Variants in MORN1 observed in about 807,000 individuals in gnomAD.
MORN1 encodes MORN repeat-containing protein 1.
In MORN1, 67 loss-of-function variants were observed where a neutral mutation model predicts 61.9. The ratio of observed to expected loss-of-function variants is 1.08; its 90% CI spans 0.89 to 1.33. The LOEUF is 1.33. Among genes scored for constraint, MORN1 ranks in the 40% most tolerant of loss-of-function variants. MORN1 has a pLI of 0.00. For synonymous variants in MORN1, 301 were observed against 292.0 expected, an observed-to-expected ratio of 1.03 and a Z score of -0.31; for missense variants, 752 against 691.2, an observed-to-expected ratio of 1.09 and a Z score of -0.99.
intron 12 of MORN1, among the ~76,000 whole-genome samples, chr1:2,324,851 C>T (rs115526621): frequency 0.018 from 2,743 of 152,086 alleles, 34 homozygotes; most frequent in Middle Eastern, 0.051. Context: ...GACAGCGCCT[C>T]GGGGCACCCA....
At position 2,336,812 on chromosome 1, in the gene MORN1, G is replaced by C. The variant is rs751333713; in HGVS notation, c.1075C>G (p.Arg359Gly). The change falls in exon 11 of 14, where the codon CGA (arginine) becomes GGA (glycine). Residue 359 changes from arginine (R) to glycine (G), a missense_variant. Physicochemically the swap from Arg to Gly is moderately radical, Grantham distance 125. Coordinates refer to ENST00000378531, the MANE Select transcript of MORN1 (RefSeq NM_024848.3). Reference sequence around the variant, plus strand: ...AACTCGGCACAGCCCTGCTCCACTCGCTGACAGGCCCCGGGACAATGGGGC... The same window carrying C: ...AACTCGGCACAGCCCTGCTCCACTCCCTGACAGGCCCCGGGACAATGGGGC... ...HAPHCPGACQRVEQGCAEFTD... is the reference protein window; with the variant it reads ...HAPHCPGACQGVEQGCAEFTD... 1.3e-6 allele frequency: 2 copies of C among 1,598,364 alleles called. No homozygotes were observed. The highest frequency in any genetic ancestry group is 1.7e-6 in the Non-Finnish European group (2 of 1,173,630).
At position 2,327,954 on chromosome 1, in the gene MORN1, G is replaced by C. The variant is rs2100231652; in HGVS notation, c.1251-3811C>G. On this transcript the variant is annotated intron_variant, in intron 12 of 13. Transcript: ENST00000378531. ...CAGGCCAGATGCTCCGAGAAGCCAA[G>C]AGGCCTCCCGAGGAGCCCGTCACAG... Among the ~76,000 whole-genome samples the C allele has an allele frequency of 1.3e-5, 2 of 152,376 alleles. 1 individual carries two copies. The highest frequency in any genetic ancestry group is 4.1e-4 in the South Asian group (2 of 4,828).
chr1:2,325,114 C>CTCCCTTCCCTTCT (rs1640979407), intron 12 of MORN1, among the ~76,000 whole-genome samples: 2 of 86,978 alleles, frequency 2.3e-5, no homozygotes, highest in Non-Finnish European at 2.1e-5. Context: ...CTTTCCTTCC[C>CTCCCTTCCCTTCT]TTCCTTCCCT....
In MORN1 at chr1:2,337,104, C is replaced by T. The variant is rs1339292087; in HGVS notation, c.1037-254G>A. ...GCCCCCGCCCCCTTCTGAGTCCACCCCAGCGCCAGGGAGCCCAGCGCTTTG... is the reference window on the plus strand; with the variant it reads ...GCCCCCGCCCCCTTCTGAGTCCACCTCAGCGCCAGGGAGCCCAGCGCTTTG... On this transcript the variant is annotated intron_variant, in intron 10 of 13. Coordinates refer to ENST00000378531, the MANE Select transcript of MORN1 (RefSeq NM_024848.3). This position sits in a 1 kb window ranked among gnomAD's most constrained non-coding sequence, Gnocchi z 5.7. Among the ~76,000 whole-genome samples, 1 of 152,170 alleles carries T rather than the reference C, an allele frequency of 6.6e-6. No homozygotes were observed. Among genetic ancestry groups the T allele is most frequent in the Non-Finnish European group, 1.5e-5 (1 of 68,012 alleles).
intron 10 of MORN1, among the ~76,000 whole-genome samples, chr1:2,340,876 TGTGGCCGCCACACAGA>T (rs1264719533): frequency 6.6e-6 from 1 of 152,076 alleles, no homozygotes; most frequent in African/African-American, 2.4e-5. Context: ...GGCCACGACC[TGTGGCCGCCACACAGA>T]CGGCCACATA....
intron 7 of MORN1, among the ~76,000 whole-genome samples, chr1:2,373,285 C>T (rs1378412024): frequency 1.3e-5 from 2 of 152,316 alleles, no homozygotes; most frequent in East Asian, 3.9e-4. Flanking sequence ...CACAGGGTGG[C>T]GGGTGCCCCG....
chr1:2,378,647 G>A (rs1642299626), intron 6 of MORN1: 10 of 298,604 alleles, frequency 3.3e-5, no homozygotes, highest in South Asian at 3.0e-4. Flanking sequence ...GGGATGCCCG[G>A]AGGGCCGCGC....
At chr1:2,345,845 AC>A (rs1641502826) in intron 10 of MORN1, among the ~76,000 whole-genome samples, 1 of 144,034 alleles carries the variant, frequency 6.9e-6, no homozygotes, top group African/African-American at 2.5e-5. Flanking sequence ...ACACACACAC[AC>A]ACACACACAG....
intron 3 of MORN1, 72 bp from the exon 4 acceptor site, chr1:2,387,601 G>T: frequency 1.8e-6 from 2 of 1,087,408 alleles, no homozygotes; most frequent in Non-Finnish European, 2.8e-6. Flanking sequence ...GCTCTCCTCT[G>T]TCCCTGGCCC....
chr1:2,390,776 TCTTGCTCTGTCG>T (rs1365272483), intron 1 of MORN1: 1 of 978,492 alleles, frequency 1.0e-6, no homozygotes, highest in Non-Finnish European at 1.2e-6. Flanking sequence ...TGAGACTGAG[TCTTGCTCTGTCG>T]CCCAGGCTGG....
intron 12 of MORN1, among the ~76,000 whole-genome samples, chr1:2,331,836 C>CGAAAT: frequency 7.0e-6 from 1 of 143,238 alleles, no homozygotes; most frequent in South Asian, 2.2e-4. Flanking sequence ...GCGCCTCTCC[C>CGAAAT]TCGTGCGGCT....
chr1:2,334,298 G>T lies in MORN1; in HGVS notation c.1250+2171C>A, dbSNP rs1641219620. ...TGGCTACAAGGAACTGGTGGTGGGG[G>T]TCAGGCTCCATGGAGGACGAGAGGC... On this transcript the variant is annotated intron_variant, in intron 12 of 13. Coordinates refer to ENST00000378531, the MANE Select transcript of MORN1 (RefSeq NM_024848.3). This position sits in a 1 kb window ranked among gnomAD's most constrained non-coding sequence, Gnocchi z 5.4. 6.6e-6 allele frequency among the ~76,000 whole-genome samples: 1 copy of T among 152,108 alleles called. No individual in the cohort carries two copies. Among genetic ancestry groups the T allele is most frequent in the Admixed American group, 6.5e-5 (1 of 15,282 alleles).
chr1:2,322,180 C>G (rs1640896462), intron 13 of MORN1: 9 of 985,286 alleles, frequency 9.1e-6, no homozygotes, highest in Non-Finnish European at 1.1e-5. Context: ...AGTCTGTAAA[C>G]TGTCTGGAGA....
intron 8 of MORN1, among the ~76,000 whole-genome samples, chr1:2,366,241 A>G (rs1314068635): frequency 2.1e-5 from 3 of 145,990 alleles, no homozygotes; most frequent in Non-Finnish European, 4.5e-5. Flanking sequence ...AAAACCAAAC[A>G]CCGCATATTC....
At chr1:2,351,739 T>C in intron 10 of MORN1, 1 of 542,832 alleles carries the variant, frequency 1.8e-6, no homozygotes, top group South Asian at 1.5e-5. Context: ...TCACAGGGGA[T>C]CATATTCATA....
chr1:2,335,265 A>G (rs906206915), intron 12 of MORN1, among the ~76,000 whole-genome samples: 1 of 152,122 alleles, frequency 6.6e-6, no homozygotes, highest in African/African-American at 2.4e-5. Flanking sequence ...TCTTCCCTGG[A>G]GCTCCACCGG....
At chr1:2,340,746 TGCCACACAGGCCACGGCGAGGGCC>T (rs1447292282) in intron 10 of MORN1, among the ~76,000 whole-genome samples, 2 of 152,040 alleles carry the variant, frequency 1.3e-5, no homozygotes, top group Non-Finnish European at 1.5e-5. Flanking sequence ...GACACCAGAC[TGCCACACAGGCCACGGCGAGGGCC>T]GCCACACAGG....
At position 2,334,233 on chromosome 1, in the gene MORN1, G is replaced by C. The variant is rs936229685; in HGVS notation, c.1250+2236C>G. 2.6e-5 allele frequency among the ~76,000 whole-genome samples: 4 copies of C among 152,098 alleles called. No homozygotes were observed. The highest frequency in any genetic ancestry group is 9.7e-5 in the African/African-American group (4 of 41,402). ...CAGCCACAGTTGAGGGCCTCTGGGT[G>C]GTGGGGGGGCAGCAGGTGTAAGAAC... On this transcript the variant is annotated intron_variant, in intron 12 of 13. Transcript: ENST00000378531. This position sits in a 1 kb window ranked among gnomAD's most constrained non-coding sequence, Gnocchi z 5.4.
Position 2,357,430 on chromosome 1 carries a change from ACCAAGCAGG to A in MORN1, c.1029_1036+1del. 1 of 1,593,520 alleles carries A rather than the reference ACCAAGCAGG, an allele frequency of 6.3e-7. No individual in the cohort carries two copies. The highest frequency in any genetic ancestry group is 1.1e-5 in the South Asian group (1 of 89,302). The stretch of plus-strand genomic sequence containing the variant: ...CCCAACTGGTTTGTGAGCTCCACTT[ACCAAGCAGG>A]CCACCAGGGGTGTCCTCCTGGCCAT... On this transcript the variant is annotated splice_donor_variant and coding_sequence_variant, in exon 10 of 14. Transcript: ENST00000378531. LOFTEE classifies it high-confidence loss of function. This position sits in a 1 kb window ranked among gnomAD's most constrained non-coding sequence, Gnocchi z 6.3.
Sources: gnomAD v4.1 joint callset for allele counts (sites outside exome capture counted in the v4.1 genomes callset) on GRCh38, gnomAD v4.1.1 for gene constraint, Gnocchi (gnomAD v3.1) non-coding constraint, MANE v1.5 for transcripts, NCBI Gene and HGNC (gene_info 2026-07-23, HGNC 2026-07-21) for gene names.